The following SPATS2 variants were observed in gnomAD, a reference collection of about 807,000 sequenced individuals.
The protein encoded by SPATS2 is spermatogenesis-associated serine-rich protein 2.
Under a neutral mutation model 63.7 loss-of-function variants are expected in SPATS2, and 38 were observed. The ratio of observed to expected loss-of-function variants is 0.60; its 90% confidence interval spans 0.46 to 0.78. The LOEUF is 0.78. SPATS2 is among the 30% of genes least tolerant of loss of function. SPATS2 has a pLI of 0.00. For synonymous variants in SPATS2, 207 were observed against 232.9 expected, an observed-to-expected ratio of 0.89 and a Z score of 1.01; for missense variants, 588 against 666.2, an observed-to-expected ratio of 0.88 and a Z score of 1.29.
chr12:49,522,910 C>T (rs1030204129), intron 12 of SPATS2, 57 bp downstream of exon 12: 61 of 1,434,900 alleles, frequency 4.3e-5, no homozygotes, highest in Admixed American at 1.1e-4. Flanking sequence ...TAGAGACTGA[C>T]GTGCTGATTG....
intron 2 of SPATS2, among the ~76,000 whole-genome samples, chr12:49,412,165 A>G (rs1015165978): frequency 2.0e-5 from 3 of 152,164 alleles, no homozygotes; most frequent in African/African-American, 7.2e-5. Context: ...AGGAGATAGC[A>G]TGACCATCAG....
intron 9 of SPATS2, among the ~76,000 whole-genome samples, chr12:49,501,462 C>A (rs1946566438): frequency 6.6e-6 from 1 of 152,264 alleles, no homozygotes. Flanking sequence ...TCTTAAAGGT[C>A]CCACCTCTCA....
chr12:49,394,339 C>CAAAA (rs35693643), intron 2 of SPATS2, among the ~76,000 whole-genome samples: 1 of 82,026 alleles, frequency 1.2e-5, no homozygotes, highest in South Asian at 4.7e-4. Flanking sequence ...ACCTTGTCTC[C>CAAAA]AAAAAAAAAA....
chr12:49,436,640 C>T (rs1945301396), intron 2 of SPATS2, among the ~76,000 whole-genome samples: 2 of 125,960 alleles, frequency 1.6e-5, no homozygotes, highest in South Asian at 5.4e-4. Context: ...GACGGGGCGG[C>T]TGGCCGGGCA....
chr12:49,399,756 G>A (rs554758234), intron 2 of SPATS2, among the ~76,000 whole-genome samples: 1 of 152,298 alleles, frequency 6.6e-6, no homozygotes, highest in Admixed American at 6.5e-5. Context: ...TGAAAAAAAT[G>A]GCCAGGCGCG....
chr12:49,410,115 G>A (rs144861671), intron 2 of SPATS2, among the ~76,000 whole-genome samples: 9 of 151,762 alleles, frequency 5.9e-5, no homozygotes, highest in Non-Finnish European at 1.0e-4. Flanking sequence ...TCGCTCTGTC[G>A]CCCAGGCTGG....
intron 3 of SPATS2, among the ~76,000 whole-genome samples, chr12:49,472,869 G>A (rs922134081): frequency 4.0e-5 from 6 of 150,086 alleles, no homozygotes; most frequent in East Asian, 2.0e-4. Context: ...GCTAAACCCC[G>A]TCTCTACAAA....
chr12:49,511,688 T>C (rs1946755974), intron 9 of SPATS2, among the ~76,000 whole-genome samples: 1 of 152,154 alleles, frequency 6.6e-6, no homozygotes, highest in Non-Finnish European at 1.5e-5. Context: ...ACATACATAC[T>C]GGAACCATTG....
At position 49,426,765 on chromosome 12, in the gene SPATS2, G is replaced by A. The variant is rs567604955; in HGVS notation, c.-243-34005G>A. ...TCACTGTGTTAGCCAGGATGGTCTC[G>A]ATCTCCTGACCTCGTGATCCTCCCG... On this transcript the variant is annotated intron_variant, in intron 2 of 13. Coordinates refer to ENST00000552918, the MANE Select transcript of SPATS2 (RefSeq NM_023071.4). Among the ~76,000 whole-genome samples, 28 of 152,192 alleles carry A rather than the reference G, an allele frequency of 1.8e-4. 1 individual carries two copies. The South Asian group carries it at 4.4e-3, about 24-fold the overall frequency.
At chr12:49,447,625 T>G (rs142560372) in intron 2 of SPATS2, among the ~76,000 whole-genome samples, 5 of 152,370 alleles carry the variant, frequency 3.3e-5, no homozygotes, top group Admixed American at 6.5e-5. Context: ...CTTGTGCTTT[T>G]TTGTGTGTGT....
At chr12:49,477,691 A>G (rs1946141452) in intron 3 of SPATS2, among the ~76,000 whole-genome samples, 1 of 152,254 alleles carries the variant, frequency 6.6e-6, no homozygotes, top group Non-Finnish European at 1.5e-5. Flanking sequence ...AGGCTACAAT[A>G]GCACACTATA....
intron 3 of SPATS2, among the ~76,000 whole-genome samples, chr12:49,476,282 G>A (rs1196520569): frequency 6.6e-6 from 1 of 152,138 alleles, no homozygotes; most frequent in Non-Finnish European, 1.5e-5. Context: ...AGAATGACAT[G>A]GAGTTTGGCT....
chr12:49,490,279 G>A (rs187281264), intron 5 of SPATS2: 307 of 163,758 alleles, frequency 1.9e-3, no homozygotes, highest in Non-Finnish European at 3.4e-3. Context: ...TTGGTCTAGG[G>A]TAATGTGCAG....
intron 2 of SPATS2, among the ~76,000 whole-genome samples, chr12:49,408,138 C>T (rs555476811): frequency 6.6e-6 from 1 of 152,286 alleles, no homozygotes; most frequent in East Asian, 1.9e-4. Flanking sequence ...AATATGTCAG[C>T]CATAATACTT....
At chr12:49,424,882 G>T (rs1362714312) in intron 2 of SPATS2, among the ~76,000 whole-genome samples, 4 of 152,254 alleles carry the variant, frequency 2.6e-5, no homozygotes, top group African/African-American at 7.2e-5. Context: ...GTTTCGCCGT[G>T]TTGGCCAGGA....
In SPATS2 at chr12:49,514,400, T is replaced by G. The variant is rs1251416145; in HGVS notation, c.840-155T>G. 8.1e-6 allele frequency: 5 copies of G among 613,836 alleles called. No individual in the cohort carries two copies. In the East Asian group the frequency reaches 1.4e-4, roughly 18 times the overall value. The allele number at this position is 613,836 out of a possible 1,614,324, so 38.0% of individuals were successfully genotyped here. On this transcript the variant is annotated intron_variant, in intron 9 of 13. Transcript: ENST00000552918. ...ATCTTAAAATATTCTTTGTTGAGAG[T>G]AAGACATCAGAATTTGTATGTGATC...
upstream of SPATS2, chr12:49,367,390 G>C: frequency 2.5e-6 from 1 of 396,766 alleles, no homozygotes; most frequent in Non-Finnish European, 4.4e-6. Flanking sequence ...TCCGGCCCAG[G>C]AGAGAAGTGG....
At chr12:49,439,772 G>A (rs1945383661) in intron 2 of SPATS2, among the ~76,000 whole-genome samples, 1 of 152,188 alleles carries the variant, frequency 6.6e-6, no homozygotes, top group African/African-American at 2.4e-5. Context: ...TGCTGGGAAT[G>A]TGCATTATTT....
chr12:49,448,712 CAAAAAAAAAAAA>C (rs780015868), intron 2 of SPATS2, among the ~76,000 whole-genome samples: 7 of 58,328 alleles, frequency 1.2e-4, no homozygotes, highest in Middle Eastern at 0.011. Context: ...GACCCTGTCT[CAAAAAAAAAAAA>C]AAAAAAAAAA....
Sources: allele counts gnomAD v4.1 joint callset (sites outside exome capture counted in the v4.1 genomes callset), GRCh38; gene constraint gnomAD v4.1.1; transcripts MANE v1.5; gene names NCBI Gene and HGNC (gene_info 2026-07-23, HGNC 2026-07-21).